M6PR: variants seen among roughly 807,000 people sequenced by gnomAD.
M6PR encodes mannose-6-phosphate receptor, cation dependent, also known as cation-dependent mannose-6-phosphate receptor.
In M6PR, 19 loss-of-function variants were observed where a neutral mutation model predicts 33.1. That is an observed-to-expected ratio of 0.57 (90% CI 0.40 to 0.84). The LOEUF (loss-of-function observed/expected upper bound fraction) is 0.84. Ranked by LOEUF, M6PR falls within the 40% of genes least tolerant of loss-of-function variation. M6PR has a pLI of 0.00. For missense variants in M6PR, 295 were observed against 336.0 expected, an observed-to-expected ratio of 0.88 and a Z score of 0.95; for synonymous variants, 111 against 123.4, an observed-to-expected ratio of 0.90 and a Z score of 0.67.
At chr12:8,946,490 C>A in intron 1 of M6PR, 85 bp from the exon 2 acceptor site, 2 of 1,038,430 alleles carry the variant, frequency 1.9e-6, no homozygotes, top group South Asian at 1.5e-5. Context: ...TGTAATAAAT[C>A]GATGGTATTT....
rs771291436 is a variant in M6PR at position 8,941,908 on chromosome 12, A to G, written c.744T>C (p.Pro248=). 1.9e-6 allele frequency: 3 copies of G among 1,614,030 alleles called. No individual in the cohort carries two copies. In the African/African-American group the frequency reaches 4.0e-5, roughly 22 times the overall value. ...CACGATATGCTGCAGGCACATTTCG[A>G]GGTTTAGAACGGCAGACAAAGTCAC... The part of the protein sequence containing the change: ...DGCDFVCRSK[P]RNVPAAYRGV... The change falls in exon 7 of 7, where the codon CCT becomes CCC. Residue 248 remains proline (P), a synonymous_variant. Transcript: ENST00000000412.
chr12:8,944,468 A>G (rs1195992980), intron 3 of M6PR, among the ~76,000 whole-genome samples: 3 of 152,218 alleles, frequency 2.0e-5, no homozygotes, highest in Non-Finnish European at 4.4e-5. Context: ...AGGTGATACG[A>G]CTTTCCAGTC....
chr12:8,943,302 C>T, intron 5 of M6PR, 103 bp downstream of exon 5: 2 of 1,307,046 alleles, frequency 1.5e-6, no homozygotes, highest in Non-Finnish European at 2.1e-6. Context: ...TCAATTACAG[C>T]ATAATGTACA....
At position 8,942,480 on chromosome 12, in the gene M6PR, C is replaced by T. The variant is rs759170416; in HGVS notation, c.647G>A (p.Gly216Glu). 2.5e-6 allele frequency: 4 copies of T among 1,614,178 alleles called. No individual in the cohort carries two copies. In the South Asian group the frequency reaches 4.4e-5, roughly 18 times the overall value. The part of the protein sequence containing the change: ...GGFLYQRLVV[G>E]AKGMEQFPHL... ...GGGAAACTGCTCCATTCCTTTGGCT[C>T]CCACTACCAGTCGCTGGTATAGGAA... Residue 216 changes from glycine (G) to glutamate (E), a missense_variant, in exon 6 of 7, where the codon GGA becomes GAA. Gly to Glu is a moderately conservative substitution (Grantham distance 98). Coordinates refer to ENST00000000412, the MANE Select transcript of M6PR (RefSeq NM_002355.4).
In M6PR at chr12:8,942,449, TAAGTGGGGA is replaced by T; in HGVS notation, c.669_677del (p.Phe223_His225del). The T allele has an allele frequency of 6.2e-7, 1 of 1,614,182 alleles. No homozygotes were observed. Among genetic ancestry groups the T allele is most frequent in the Non-Finnish European group, 8.5e-7 (1 of 1,180,026 alleles). Reference sequence around the variant, plus strand: ...GGTTGCCAAGATCCTGCCAGAAGGCTAAGTGGGGAAACTGCTCCATTCCTTTGGCTCCCA... The same window carrying T: ...GGTTGCCAAGATCCTGCCAGAAGGCTAACTGCTCCATTCCTTTGGCTCCCA... On this transcript the variant is annotated inframe_deletion, in exon 6 of 7. Coordinates refer to ENST00000000412, the MANE Select transcript of M6PR (RefSeq NM_002355.4).
At chr12:8,942,620 T>G in intron 5 of M6PR, 78 bp from the exon 6 acceptor site, 2 of 1,462,538 alleles carry the variant, frequency 1.4e-6, no homozygotes, top group East Asian at 4.6e-5. Flanking sequence ...CTGCATTTAT[T>G]GTCAGCTGTT....
At chr12:8,946,735 T>G (rs1230846183) in intron 1 of M6PR, 2 of 195,176 alleles carry the variant, frequency 1.0e-5, no homozygotes, top group African/African-American at 4.6e-5. Context: ...GTTTGATGGC[T>G]TGATGTAGTC....
intron 3 of M6PR, among the ~76,000 whole-genome samples, chr12:8,944,872 T>C (rs1224609973): frequency 6.6e-6 from 1 of 152,186 alleles, no homozygotes; most frequent in Non-Finnish European, 1.5e-5. Flanking sequence ...GAATTCTGGC[T>C]AGAGTTGGCT....
chr12:8,945,637 A>G (rs1946084178), intron 2 of M6PR, 53 bp from the exon 3 acceptor site: 1 of 1,445,484 alleles, frequency 6.9e-7, no homozygotes, highest in Non-Finnish European at 9.6e-7. Flanking sequence ...TATCAGCCTC[A>G]GGAATAACAG....
At chr12:8,948,565 A>G (rs1005753601) in intron 1 of M6PR, among the ~76,000 whole-genome samples, 2 of 152,262 alleles carry the variant, frequency 1.3e-5, no homozygotes, top group African/African-American at 4.8e-5. Context: ...AATATGCTAC[A>G]ATTAGATTCT....
At chr12:8,942,591 A>G (rs751401505) in intron 5 of M6PR, 49 bp from the exon 6 acceptor site, 75 of 1,591,886 alleles carry the variant, frequency 4.7e-5, no homozygotes, top group Non-Finnish European at 5.6e-5. Flanking sequence ...AAATAGTAAA[A>G]ACTCAGATAG....
In M6PR at chr12:8,942,565, A is replaced by G. The variant is rs1222542663; in HGVS notation, c.585-23T>C. The G allele has an allele frequency of 2.5e-6, 4 of 1,611,032 alleles. No homozygotes were observed. In the Admixed American group the frequency reaches 5.0e-5, roughly 20 times the overall value. On this transcript the variant is annotated intron_variant, in intron 5 of 6. Coordinates refer to ENST00000000412, the MANE Select transcript of M6PR (RefSeq NM_002355.4). Reference sequence around the variant, plus strand: ...AACCTGTAGAGAGAGAAAGACATCTATACTTAAGAACTGGGAAATAGTAAA... The same window carrying G: ...AACCTGTAGAGAGAGAAAGACATCTGTACTTAAGAACTGGGAAATAGTAAA...
chr12:8,944,271 G>C (rs1170648886), intron 3 of M6PR, among the ~76,000 whole-genome samples: 1 of 152,178 alleles, frequency 6.6e-6, no homozygotes, highest in African/African-American at 2.4e-5. Context: ...GCAGGGGTAA[G>C]CCCATCTAAG....
intron 6 of M6PR, 127 bp downstream of exon 6, chr12:8,942,289 G>T: frequency 7.8e-7 from 1 of 1,284,138 alleles, no homozygotes; most frequent in South Asian, 1.3e-5. Context: ...TGTTTGCTGG[G>T]ACTTTTGTGG....
At chr12:8,942,388 A>G in intron 6 of M6PR, 28 bp downstream of exon 6, 2 of 1,614,126 alleles carry the variant, frequency 1.2e-6, no homozygotes, top group Non-Finnish European at 1.7e-6. Context: ...TGCAGGCTAC[A>G]AATTCAACCA....
At chr12:8,945,710 G>T in intron 2 of M6PR, 126 bp from the exon 3 acceptor site, 1 of 727,732 alleles carries the variant, frequency 1.4e-6, no homozygotes, top group Non-Finnish European at 2.2e-6. Context: ...TGAGGTCATG[G>T]CTGAGTGAAT....
intron 3 of M6PR, 186 bp downstream of exon 3, chr12:8,945,232 C>T (rs1333145277): frequency 3.3e-6 from 2 of 606,276 alleles, no homozygotes; most frequent in Non-Finnish European, 5.9e-6. Flanking sequence ...GCACAACTGT[C>T]CTGAGCTGTG....
intron 6 of M6PR, chr12:8,942,204 C>G: frequency 1.4e-6 from 1 of 694,712 alleles, no homozygotes. Context: ...AACAGTGTTG[C>G]TCTTTCAGCA....
In M6PR at chr12:8,946,290, C is replaced by G. The variant is rs1187316875; in HGVS notation, c.115G>C (p.Gly39Arg). The change falls in exon 2 of 7, where the codon GGT (glycine) becomes CGT (arginine). Residue 39 changes from glycine (G) to arginine (R), a missense_variant. By Grantham distance (125) the Gly-to-Arg change is moderately radical. Transcript: ENST00000000412. ...EKTCDLVGEKGKESEKELALV... is the reference protein window; with the variant it reads ...EKTCDLVGEKRKESEKELALV... ...GCCAACTCTTTCTCTGACTCTTTAC[C>G]CTTTTCTCCTACCAAGTCGCAAGTT... 3.1e-6 allele frequency: 5 copies of G among 1,613,998 alleles called. No individual in the cohort carries two copies. Among genetic ancestry groups the G allele is most frequent in the Non-Finnish European group, 4.2e-6 (5 of 1,180,038 alleles).
Sources: gnomAD v4.1 joint callset for allele counts (sites outside exome capture counted in the v4.1 genomes callset) on GRCh38, gnomAD v4.1.1 for gene constraint, MANE v1.5 for transcripts, NCBI Gene and HGNC (gene_info 2026-07-23, HGNC 2026-07-21) for gene names.